PTPRT: variants seen among roughly 807,000 people sequenced by gnomAD.
PTPRT encodes protein tyrosine phosphatase receptor type T, also known as receptor-type tyrosine-protein phosphatase T.
Under a neutral mutation model 176.8 loss-of-function variants are expected in PTPRT, and 56 were observed. That is an observed-to-expected ratio of 0.32 (90% CI 0.26 to 0.40). The LOEUF is 0.40. PTPRT is among the 10% of genes least tolerant of loss of function. PTPRT has a pLI of 1.00. For missense variants in PTPRT, 1,540 were observed against 1,908.2 expected, an observed-to-expected ratio of 0.81 and a Z score of 3.60; for synonymous variants, 783 against 739.0, an observed-to-expected ratio of 1.06 and a Z score of -0.96.
chr20:42,567,470 T>C (rs937927588), intron 7 of PTPRT, among the ~76,000 whole-genome samples: 1 of 152,214 alleles, frequency 6.6e-6, no homozygotes, highest in Non-Finnish European at 1.5e-5. Context: ...TTAAGAAGCT[T>C]CCTGTGATTA....
At chr20:43,148,765 TA>T (rs1378154964) in intron 1 of PTPRT, among the ~76,000 whole-genome samples, 1 of 152,164 alleles carries the variant, frequency 6.6e-6, no homozygotes, top group Non-Finnish European at 1.5e-5. Context: ...GTAGCACTGG[TA>T]TAGGGTTCAT....
At chr20:42,068,536 A>G (rs1427028328), downstream of PTPRT, among the ~76,000 whole-genome samples, 1 of 152,136 alleles carries the variant, frequency 6.6e-6, no homozygotes. Context: ...ATGTCATTTC[A>G]TCTCCCAGGA....
At chr20:42,223,833 C>T (rs544455629) in intron 15 of PTPRT, among the ~76,000 whole-genome samples, 5 of 152,276 alleles carry the variant, frequency 3.3e-5, no homozygotes, top group South Asian at 4.2e-4. Context: ...AGCTTTTCTC[C>T]ACTTCTGAAA....
chr20:42,096,135 C>T (rs533483830), intron 27 of PTPRT, among the ~76,000 whole-genome samples: 1 of 152,290 alleles, frequency 6.6e-6, no homozygotes, highest in East Asian at 1.9e-4. Flanking sequence ...CACCTCCTGG[C>T]CACTTCTGCA....
chr20:42,601,888 C>T (rs1362071179), intron 7 of PTPRT, among the ~76,000 whole-genome samples: 4 of 152,262 alleles, frequency 2.6e-5, no homozygotes, highest in Middle Eastern at 3.4e-3. Context: ...GGCTAGCAGA[C>T]TGACTGTCAG....
intron 11 of PTPRT, among the ~76,000 whole-genome samples, chr20:42,337,378 T>C (rs918110167): frequency 1.3e-5 from 2 of 152,204 alleles, no homozygotes; most frequent in Non-Finnish European, 2.9e-5. Context: ...TAAGATACTA[T>C]GAGCTGAGCA....
At chr20:42,223,838 C>A (rs2055942227) in intron 15 of PTPRT, among the ~76,000 whole-genome samples, 1 of 152,158 alleles carries the variant, frequency 6.6e-6, no homozygotes, top group Non-Finnish European at 1.5e-5. Context: ...TTCTCCACTT[C>A]TGAAAAAGTC....
At chr20:42,434,389 C>T (rs911884947) in intron 9 of PTPRT, among the ~76,000 whole-genome samples, 12 of 151,938 alleles carry the variant, frequency 7.9e-5, no homozygotes, top group South Asian at 6.2e-4. Flanking sequence ...TTCTAGGCAC[C>T]GGGGATATAC....
At chr20:42,568,557 T>C (rs1379703573) in intron 7 of PTPRT, among the ~76,000 whole-genome samples, 3 of 152,168 alleles carry the variant, frequency 2.0e-5, no homozygotes, top group African/African-American at 7.2e-5. Flanking sequence ...GTCATAAAAA[T>C]AAATTCAATT....
chr20:42,183,829 G>A (rs972379349), intron 16 of PTPRT, among the ~76,000 whole-genome samples: 1 of 152,108 alleles, frequency 6.6e-6, no homozygotes, highest in Non-Finnish European at 1.5e-5. Context: ...CTAGTTCTGA[G>A]CCTAGTTTTT....
intron 11 of PTPRT, among the ~76,000 whole-genome samples, chr20:42,321,337 G>C (rs2057795934): frequency 6.6e-6 from 1 of 152,152 alleles, no homozygotes; most frequent in Admixed American, 6.5e-5. Flanking sequence ...AGAATCTCTA[G>C]GGGTAGGACC....
intron 7 of PTPRT, among the ~76,000 whole-genome samples, chr20:42,622,305 C>G (rs6102955): frequency 0.21 from 31,927 of 151,614 alleles, 4,612 homozygotes; most frequent in African/African-American, 0.41. Context: ...GCAGTGGCGC[C>G]ATCTCGGCTC....
intron 11 of PTPRT, among the ~76,000 whole-genome samples, chr20:42,331,497 G>T (rs923155771): frequency 1.3e-5 from 2 of 151,842 alleles, no homozygotes; most frequent in African/African-American, 4.8e-5. Flanking sequence ...AAATGTAAAT[G>T]GAATAATTAC....
intron 9 of PTPRT, among the ~76,000 whole-genome samples, chr20:42,420,745 A>G (rs2059110827): frequency 6.6e-6 from 1 of 152,158 alleles, no homozygotes; most frequent in African/African-American, 2.4e-5. Flanking sequence ...TTAGTAGTTA[A>G]GCAATTCTGA....
intron 13 of PTPRT, among the ~76,000 whole-genome samples, chr20:42,260,420 C>T (rs1289886335): frequency 3.3e-5 from 5 of 152,214 alleles, no homozygotes; most frequent in Admixed American, 6.5e-5. Context: ...GGAGCACCCA[C>T]GGCCTGCACT....
At chr20:42,906,848 C>T (rs371448918) in intron 1 of PTPRT, among the ~76,000 whole-genome samples, 3 of 152,146 alleles carry the variant, frequency 2.0e-5, no homozygotes, top group South Asian at 4.2e-4. Flanking sequence ...ACCTCTGTTA[C>T]ACTCTTGTTC....
the PTPRT span, among the ~76,000 whole-genome samples, chr20:42,050,054 T>C: frequency 6.6e-6 from 1 of 152,226 alleles, no homozygotes; most frequent in African/African-American, 2.4e-5. Flanking sequence ...TCCACAAATA[T>C]TTCGGAGAAC....
At chr20:42,386,123 A>T (rs192697095) in intron 9 of PTPRT, among the ~76,000 whole-genome samples, 108 of 152,338 alleles carry the variant, frequency 7.1e-4, no homozygotes, top group African/African-American at 2.5e-3. Context: ...GCATGATTAT[A>T]TGAAAAGCAT....
chr20:42,619,268 C>T (rs2074141906), intron 7 of PTPRT, among the ~76,000 whole-genome samples: 1 of 138,144 alleles, frequency 7.2e-6, no homozygotes, highest in African/African-American at 3.0e-5. Flanking sequence ...GAATATTGGC[C>T]CCCACTCTCT....
Sources: allele counts gnomAD v4.1 joint callset (sites outside exome capture counted in the v4.1 genomes callset), GRCh38; gene constraint gnomAD v4.1.1; transcripts MANE v1.5; gene names NCBI Gene and HGNC (gene_info 2026-07-23, HGNC 2026-07-21).